The following ERG variants were observed in gnomAD, a reference collection of about 807,000 sequenced individuals.
ERG encodes transcriptional regulator ERG.
Under a neutral mutation model 55.3 loss-of-function variants are expected in ERG, and 9 were observed. The observed-to-expected ratio is 0.16, with a 90% confidence interval of 0.10 to 0.28. The LOEUF is 0.28. Ranked by LOEUF, ERG falls within the 10% of genes least tolerant of loss-of-function variation. The probability of loss-of-function intolerance (pLI) is 1.00; values close to 1 mark genes in which losing one functional copy is unlikely to be tolerated. For missense variants in ERG, 434 were observed against 631.6 expected (o/e 0.69, Z 3.35); for synonymous variants, 223 against 237.3 (o/e 0.94, Z 0.55).
intron 1 of ERG, among the ~76,000 whole-genome samples, chr21:38,613,202 A>G (rs35361275): frequency 0.063 from 9,584 of 152,310 alleles, 968 homozygotes; most frequent in African/African-American, 0.22. Context: ...GTTTAGTAAA[A>G]TCACAAATAG....
intron 2 of ERG, among the ~76,000 whole-genome samples, chr21:38,548,854 T>C (rs1309095616): frequency 6.7e-6 from 1 of 149,814 alleles, no homozygotes; most frequent in African/African-American, 2.4e-5. Context: ...CTCACGCCTG[T>C]AATCCCAGCA....
upstream of ERG, among the ~76,000 whole-genome samples, chr21:38,500,244 T>C (rs967435611): frequency 1.3e-5 from 2 of 152,196 alleles, no homozygotes; most frequent in African/African-American, 4.8e-5. Context: ...CAGCTTTAAA[T>C]AAGATGAACG....
intron 2 of ERG, among the ~76,000 whole-genome samples, chr21:38,527,473 A>C (rs567000959): frequency 1.3e-5 from 2 of 152,320 alleles, no homozygotes; most frequent in Non-Finnish European, 2.9e-5. Flanking sequence ...TGACGGGTTA[A>C]ATAATCCCTG....
At chr21:38,468,962 G>A (rs1344231130) in intron 1 of ERG, among the ~76,000 whole-genome samples, 1 of 131,466 alleles carries the variant, frequency 7.6e-6, no homozygotes. Context: ...TCCAGCCTGG[G>A]AGACAGCCAG....
At chr21:38,574,333 G>C (rs1187674410) in intron 2 of ERG, among the ~76,000 whole-genome samples, 1 of 151,982 alleles carries the variant, frequency 6.6e-6, no homozygotes, top group Non-Finnish European at 1.5e-5. Context: ...CACTTTTTTT[G>C]ATAAACACAA....
chr21:38,387,274 C>G (rs978260792), intron 9 of ERG, among the ~76,000 whole-genome samples: 2 of 152,178 alleles, frequency 1.3e-5, no homozygotes, highest in African/African-American at 2.4e-5. Flanking sequence ...TCTCTAGAAG[C>G]CAGGGGTGGT....
chr21:38,589,327 CCA>C (rs2060085953), upstream of ERG, among the ~76,000 whole-genome samples: 1 of 152,184 alleles, frequency 6.6e-6, no homozygotes, highest in African/African-American at 2.4e-5. Context: ...GTGAACACAG[CCA>C]CAGAGCAGCC....
At chr21:38,553,563 G>A (rs952144654) in intron 2 of ERG, among the ~76,000 whole-genome samples, 1 of 152,080 alleles carries the variant, frequency 6.6e-6, no homozygotes, top group Non-Finnish European at 1.5e-5. Context: ...CAACAAAGTA[G>A]ACAAAACAAG....
intron 2 of ERG, among the ~76,000 whole-genome samples, chr21:38,521,665 G>A (rs919600405): frequency 5.9e-5 from 9 of 152,202 alleles, no homozygotes; most frequent in African/African-American, 1.9e-4. Context: ...TAATTCAAGT[G>A]TGGAAGTTTG....
At chr21:38,615,380 C>G (rs2060252478) in intron 1 of ERG, among the ~76,000 whole-genome samples, 1 of 151,960 alleles carries the variant, frequency 6.6e-6, no homozygotes, top group African/African-American at 2.4e-5. Flanking sequence ...TGTCATGGAG[C>G]CTAAAATTTC....
At chr21:38,559,359 T>C (rs924843791) in intron 2 of ERG, among the ~76,000 whole-genome samples, 1 of 148,692 alleles carries the variant, frequency 6.7e-6, no homozygotes, top group East Asian at 2.0e-4. Flanking sequence ...AAATAATAGA[T>C]CCTTCTCCAT....
intron 1 of ERG, among the ~76,000 whole-genome samples, chr21:38,617,570 A>T (rs2060266059): frequency 2.0e-5 from 3 of 152,200 alleles, no homozygotes; most frequent in Admixed American, 6.5e-5. Context: ...TAAAGCATAA[A>T]TAAATATAGT....
At chr21:38,633,782 T>C (rs2060371330) in intron 1 of ERG, among the ~76,000 whole-genome samples, 1 of 152,052 alleles carries the variant, frequency 6.6e-6, no homozygotes, top group Non-Finnish European at 1.5e-5. Context: ...TTTCATAAGA[T>C]ACAATTTGAA....
chr21:38,373,307 C>T, the ERG span, among the ~76,000 whole-genome samples: 309 of 152,306 alleles, frequency 2.0e-3, 1 homozygote, highest in Non-Finnish European at 3.5e-3. Context: ...CTTATTGTTT[C>T]CTTTTACATT....
At chr21:38,633,592 T>C (rs1011443508) in intron 1 of ERG, among the ~76,000 whole-genome samples, 1 of 152,210 alleles carries the variant, frequency 6.6e-6, no homozygotes, top group African/African-American at 2.4e-5. Flanking sequence ...GTTGGGTGCC[T>C]TTTTATTTGT....
rs1646292273 is a variant in ERG at position 38,575,769 on chromosome 21, A to G, written c.-126-22T>C. On this transcript the variant is annotated intron_variant, in intron 1 of 8. Transcript: ENST00000398897. ...ACGGCTAGAAGACAAAAGGAACAAC[A>G]TACATAATAATAAACAACTGCATTT... 3 of 1,555,262 alleles carry G rather than the reference A, an allele frequency of 1.9e-6. No individual in the cohort carries two copies. In the Admixed American group the frequency reaches 5.0e-5, roughly 26 times the overall value.
intron 2 of ERG, among the ~76,000 whole-genome samples, chr21:38,549,396 G>GT (rs141233373): frequency 0.013 from 2,019 of 151,734 alleles, 49 homozygotes; most frequent in African/African-American, 0.046. Flanking sequence ...TAAACAGCTA[G>GT]TTATCTTACT....
At position 38,584,544 on chromosome 21, in the gene ERG, G is replaced by A. The variant is rs184199892; in HGVS notation, c.-127+300C>T. On this transcript the variant is annotated intron_variant, in intron 1 of 8. Coordinates refer to the ERG transcript ENST00000398897. ...AAGGGAGAAGAGAGTAGACAGTGATGGAGAAAAGAGGGGCTGTGAAGACTA... is the reference window on the plus strand; with the variant it reads ...AAGGGAGAAGAGAGTAGACAGTGATAGAGAAAAGAGGGGCTGTGAAGACTA... 1.9e-4 allele frequency among the ~76,000 whole-genome samples: 29 copies of A among 152,272 alleles called. 1 individual carries two copies. Among genetic ancestry groups the A allele is most frequent in the African/African-American group, 6.0e-4 (25 of 41,542 alleles).
intron 1 of ERG, among the ~76,000 whole-genome samples, chr21:38,640,617 C>CTTTAG (rs1241360622): frequency 1.3e-5 from 2 of 152,286 alleles, no homozygotes; most frequent in Admixed American, 1.3e-4. Context: ...TCTTGCCTGC[C>CTTTAG]GCCATGTAAG....
Sources: gnomAD v4.1 joint callset for allele counts (sites outside exome capture counted in the v4.1 genomes callset) on GRCh38, gnomAD v4.1.1 for gene constraint, MANE v1.5 for transcripts, NCBI Gene and HGNC (gene_info 2026-07-23, HGNC 2026-07-21) for gene names.